Variants in FRMPD2 observed in about 807,000 individuals in gnomAD.
The protein encoded by FRMPD2 is FERM and PDZ domain-containing protein 2.
FRMPD2 carries 96 observed loss-of-function variants against 140.1 expected under a neutral mutation model. The observed-to-expected ratio is 0.69, with a 90% CI of 0.58 to 0.81. FRMPD2 has a LOEUF of 0.81. Ranked by LOEUF, FRMPD2 falls within the 40% of genes least tolerant of loss-of-function variation. The probability of loss-of-function intolerance (pLI) is 0.00; values close to 1 mark genes in which losing one functional copy is unlikely to be tolerated. For synonymous variants in FRMPD2, 449 were observed against 547.6 expected, an observed-to-expected ratio of 0.82 and a Z score of 2.52; for missense variants, 1,240 against 1,447.4, an observed-to-expected ratio of 0.86 and a Z score of 2.32.
intron 10 of FRMPD2, among the ~76,000 whole-genome samples, chr10:48,225,545 T>G (rs184876208): frequency 1.3e-5 from 2 of 152,324 alleles, no homozygotes; most frequent in Non-Finnish European, 2.9e-5. Context: ...TGTACTTCTC[T>G]CTTTTGTCTT....
At chr10:48,212,349 T>C (rs1332186497) in intron 12 of FRMPD2, among the ~76,000 whole-genome samples, 1 of 152,114 alleles carries the variant, frequency 6.6e-6, no homozygotes, top group Admixed American at 6.5e-5. Context: ...TGCCAGGTAG[T>C]TCACAGAACA....
intron 1 of FRMPD2, among the ~76,000 whole-genome samples, chr10:48,255,998 G>T (rs1840481250): frequency 6.6e-6 from 1 of 152,232 alleles, no homozygotes; most frequent in South Asian, 2.1e-4. Flanking sequence ...CGTAGGAGCA[G>T]TATGAATCTT....
chr10:48,250,418 G>A (rs1001173161), intron 2 of FRMPD2, among the ~76,000 whole-genome samples: 5 of 152,006 alleles, frequency 3.3e-5, no homozygotes, highest in African/African-American at 1.2e-4. Context: ...CTTTTTTTGA[G>A]ACAGAGTTTC....
chr10:48,188,776 C>T (rs182366390), intron 16 of FRMPD2, among the ~76,000 whole-genome samples: 3 of 152,190 alleles, frequency 2.0e-5, no homozygotes, highest in Non-Finnish European at 4.4e-5. Flanking sequence ...TTTTTATGAC[C>T]CATGTGATCT....
At chr10:48,243,805 G>A (rs1411045513) in intron 4 of FRMPD2, among the ~76,000 whole-genome samples, 1 of 152,174 alleles carries the variant, frequency 6.6e-6, no homozygotes, top group Admixed American at 6.5e-5. Context: ...AAGAAAGGCA[G>A]GAAGGAAGGG....
chr10:48,270,366 G>C (rs1024099870), intron 1 of FRMPD2, among the ~76,000 whole-genome samples: 3 of 152,204 alleles, frequency 2.0e-5, no homozygotes, highest in Non-Finnish European at 4.4e-5. Flanking sequence ...TGTATCAAAA[G>C]CCAAGGGATG....
rs960597916 is a variant in FRMPD2, at chr10:48,223,268, T to C, written c.1171A>G (p.Lys391Glu). 3 of 1,611,672 alleles carry C rather than the reference T, an allele frequency of 1.9e-6. No individual in the cohort carries two copies. Among genetic ancestry groups the C allele is most frequent in the Non-Finnish European group, 2.5e-6 (3 of 1,178,688 alleles). The change falls in exon 11 of 29, where the codon AAA (lysine) becomes GAA (glutamate). Residue 391 changes from lysine (K) to glutamate (E), a missense_variant and splice_region_variant. Transcript: ENST00000374201. ...TCACTGTCCAGGAAAAAGAACTCTT[T>C]GCCTGAAATGGAAATAGAGCATGTG... ...TYFGLAYMKS[K>E]EFFFLDSETR...
chr10:48,190,549 C>A (rs2131845884), intron 16 of FRMPD2, among the ~76,000 whole-genome samples: 1 of 152,288 alleles, frequency 6.6e-6, no homozygotes, highest in East Asian at 1.9e-4. Context: ...CTTGGCATCA[C>A]CTCCACAAAA....
chr10:48,219,245 T>G (rs905313716), intron 12 of FRMPD2, among the ~76,000 whole-genome samples: 1 of 151,858 alleles, frequency 6.6e-6, no homozygotes, highest in South Asian at 2.1e-4. Flanking sequence ...TTTTTTTTTT[T>G]TTTAGCAGTG....
At chr10:48,182,629 A>G (rs1180311388) in intron 20 of FRMPD2, among the ~76,000 whole-genome samples, 1 of 152,250 alleles carries the variant, frequency 6.6e-6, no homozygotes, top group Admixed American at 6.5e-5. Flanking sequence ...TGATGAAGGC[A>G]GCATTGCCAA....
intron 23 of FRMPD2, among the ~76,000 whole-genome samples, chr10:48,175,641 T>A (rs568761419): frequency 6.6e-6 from 1 of 152,134 alleles, no homozygotes; most frequent in South Asian, 2.1e-4. Context: ...AGTGTGCCAC[T>A]GCAGACCCCC....
chr10:48,194,238 C>T (rs1216300338), intron 15 of FRMPD2, among the ~76,000 whole-genome samples: 1 of 152,194 alleles, frequency 6.6e-6, no homozygotes, highest in African/African-American at 2.4e-5. Context: ...ATTTAAAGAT[C>T]ATGGAACTTG....
chr10:48,256,343 T>C (rs1173304792), intron 1 of FRMPD2, among the ~76,000 whole-genome samples: 1 of 152,092 alleles, frequency 6.6e-6, no homozygotes, highest in African/African-American at 2.4e-5. Context: ...GTTGCCAAGA[T>C]ATTTTGCAGC....
intron 10 of FRMPD2, 65 bp from the exon 11 acceptor site, chr10:48,223,335 A>C: frequency 7.7e-5 from 117 of 1,515,960 alleles, no homozygotes; most frequent in East Asian, 1.4e-4. Context: ...TCTCAGACTC[A>C]TAGCCCTAAG....
intron 12 of FRMPD2, among the ~76,000 whole-genome samples, 162 bp from the exon 13 acceptor site, chr10:48,212,271 A>G (rs1230732673): frequency 6.6e-6 from 1 of 152,182 alleles, no homozygotes. Flanking sequence ...TATATTAAAA[A>G]CGGGGCCAAA....
intron 3 of FRMPD2, among the ~76,000 whole-genome samples, chr10:48,246,058 C>T (rs1051861723): frequency 3.9e-5 from 6 of 152,168 alleles, no homozygotes; most frequent in Non-Finnish European, 7.3e-5. Context: ...CTCAGATGAA[C>T]GTGCATAGAT....
chr10:48,249,168 G>A lies in FRMPD2; in HGVS notation c.162C>T (p.Asp54=). 3 of 1,613,900 alleles carry A rather than the reference G, an allele frequency of 1.9e-6. No homozygotes were observed. Among genetic ancestry groups the A allele is most frequent in the Non-Finnish European group, 2.5e-6 (3 of 1,179,908 alleles). Residue 54 remains aspartate, a synonymous_variant, in exon 3 of 29, where the codon GAC becomes GAT. Transcript: ENST00000374201. ...LLEDLRNDSS[D]YVVCPWSALL... ...GGGCTGACCAGGGGCAAACCACATA[G>A]TCCGAGGAATCTGAAACCAAGCCAG...
At chr10:48,235,385 G>T (rs12257900) in intron 9 of FRMPD2, among the ~76,000 whole-genome samples, 33,444 of 152,116 alleles carry the variant, frequency 0.22, 5,178 homozygotes, top group African/African-American at 0.44. Context: ...GGCATCCCAC[G>T]TGCACTGACC....
intron 1 of FRMPD2, among the ~76,000 whole-genome samples, chr10:48,264,472 TTTAA>T (rs1447223661): frequency 1.6e-4 from 25 of 152,266 alleles, no homozygotes; most frequent in Admixed American, 6.5e-4. Context: ...CTGTTTTGAC[TTTAA>T]TTAACATCAG....
Sources: allele counts gnomAD v4.1 joint callset (sites outside exome capture counted in the v4.1 genomes callset), GRCh38; gene constraint gnomAD v4.1.1; transcripts MANE v1.5; gene names NCBI Gene and HGNC (gene_info 2026-07-23, HGNC 2026-07-21).